The following PMPCB variants were observed in gnomAD, a reference collection of about 807,000 sequenced individuals.
PMPCB encodes peptidase, mitochondrial processing subunit beta.
A neutral mutation model predicts 61.5 loss-of-function variants in PMPCB; 46 were observed. The observed-to-expected ratio is 0.75, with a 90% CI of 0.59 to 0.96. The LOEUF (loss-of-function observed/expected upper bound fraction) is 0.96. Ranked by LOEUF, PMPCB falls within the 40% of genes least tolerant of loss-of-function variation. The pLI is 0.00. For missense variants in PMPCB, 590 were observed against 602.4 expected, an observed-to-expected ratio of 0.98 and a Z score of 0.22; for synonymous variants, 191 against 201.6, an observed-to-expected ratio of 0.95 and a Z score of 0.44.
intron 1 of PMPCB, 137 bp downstream of exon 1, chr7:103,297,695 G>T (rs1323152893): frequency 1.3e-6 from 2 of 1,536,602 alleles, no homozygotes; most frequent in African/African-American, 2.7e-5. Flanking sequence ...GCGCCAGGCG[G>T]CCTGGGGCTG....
intron 3 of PMPCB, 53 bp downstream of exon 3, chr7:103,299,582 A>G (rs1817391866): frequency 9.7e-7 from 1 of 1,031,822 alleles, no homozygotes. Context: ...TAATAAGCAC[A>G]AAGTCTCATT....
chr7:103,346,160 G>A, the PMPCB span, among the ~76,000 whole-genome samples: 1 of 151,944 alleles, frequency 6.6e-6, no homozygotes, highest in Admixed American at 6.6e-5. Context: ...TGAGACAGAG[G>A]CTTGCTCTGT....
the PMPCB span, among the ~76,000 whole-genome samples, chr7:103,346,844 G>C: frequency 6.6e-6 from 1 of 152,128 alleles, no homozygotes; most frequent in Non-Finnish European, 1.5e-5. Context: ...GTGTGTGTGT[G>C]TGTGTGTGTG....
chr7:103,314,024 AAAAACAAAAC>A lies in PMPCB; in HGVS notation c.*1769_*1778del, dbSNP rs370020947. 340 of 985,420 alleles carry A rather than the reference AAAAACAAAAC, an allele frequency of 3.5e-4. 2 individuals are homozygous for A. In the African/African-American group the frequency reaches 4.5e-3, roughly 13 times the overall value. 61.0% of individuals were successfully genotyped at this position (985,420 alleles called of 1,614,324 possible). A position where few individuals can be genotyped will look rare whatever the true frequency, so the allele number is the denominator to read the frequency against. On this transcript the variant is annotated 3_prime_UTR_variant, in exon 13 of 13. Coordinates refer to ENST00000249269, the MANE Select transcript of PMPCB (RefSeq NM_004279.3). ...AAAGTTCCTTCCCAATTAAAGAAGGAAAAACAAAACAAAACAAAACAAAACCACCACCTAT... is the reference window on the plus strand; with the variant it reads ...AAAGTTCCTTCCCAATTAAAGAAGGAAAAACAAAACAAAACCACCACCTAT...
chr7:103,335,022 C>T, the PMPCB span, among the ~76,000 whole-genome samples: 14 of 151,922 alleles, frequency 9.2e-5, no homozygotes, highest in Non-Finnish European at 1.8e-4. Context: ...TTAGTAGAGA[C>T]GGGGTTTCGC....
Position 103,303,896 on chromosome 7 carries a change from T to C in PMPCB, c.512T>C (p.Ile171Thr). ...IQNSTLGEAEIERERGVILRE... is the reference protein window; with the variant it reads ...IQNSTLGEAETERERGVILRE... ...AACAGCACATTGGGAGAAGCAGAGA[T>C]TGAACGTGAGCGTGGAGTAATCCTT... The change falls in exon 5 of 13, where the codon ATT (isoleucine) becomes ACT (threonine). Residue 171 changes from isoleucine (I) to threonine (T), a missense_variant. By Grantham distance (89) the Ile-to-Thr change is moderately conservative. Transcript: ENST00000249269. 1 of 1,613,956 alleles carries C rather than the reference T, an allele frequency of 6.2e-7. No individual in the cohort carries two copies. The highest frequency in any genetic ancestry group is 8.5e-7 in the Non-Finnish European group (1 of 1,179,842).
chr7:103,337,925 A>C, the PMPCB span: 1 of 729,190 alleles, frequency 1.4e-6, no homozygotes, highest in African/African-American at 1.8e-5. Flanking sequence ...TCAGGAGTCC[A>C]GTAAGAGGTT....
At chr7:103,306,750 ATTTAT>A (rs555753351) in intron 6 of PMPCB, among the ~76,000 whole-genome samples, 32 of 151,838 alleles carry the variant, frequency 2.1e-4, no homozygotes, top group Non-Finnish European at 4.4e-4. Flanking sequence ...GCTTTCTTTT[ATTTAT>A]TTAATTTTAT....
chr7:103,318,206 C>G (rs1046738814), downstream of PMPCB, among the ~76,000 whole-genome samples: 1 of 151,884 alleles, frequency 6.6e-6, no homozygotes, highest in Admixed American at 6.6e-5. Context: ...CGCTCTGTTG[C>G]CCAGGTTGGA....
Position 103,313,067 on chromosome 7 carries a change from T to C in PMPCB, c.*796T>C. On this transcript the variant is annotated 3_prime_UTR_variant, in exon 13 of 13. Transcript: ENST00000249269. ...AAGCTTGTTCCAAAAGCTTCTGTTC[T>C]TCTGTTGTCCAAGGGGTGAAGTCTG... 1.9e-6 allele frequency: 3 copies of C among 1,613,996 alleles called. No individual in the cohort carries two copies. Among genetic ancestry groups the C allele is most frequent in the Non-Finnish European group, 2.5e-6 (3 of 1,179,908 alleles).
intron 4 of PMPCB, among the ~76,000 whole-genome samples, chr7:103,303,007 G>T (rs1176921044): frequency 6.6e-6 from 1 of 151,840 alleles, no homozygotes; most frequent in Non-Finnish European, 1.5e-5. Context: ...TTTTGGAGAG[G>T]TATGCGCTTT....
Position 103,314,532 on chromosome 7 carries a change from A to C in PMPCB, c.*2261A>C. On this transcript the variant is annotated 3_prime_UTR_variant, in exon 13 of 13. Coordinates refer to ENST00000249269, the MANE Select transcript of PMPCB (RefSeq NM_004279.3). ...CAACATGGAAACAAGTCCCCCTAAG[A>C]AAGAGCTGAGACTAGTGTGCTAATA... 1 of 985,206 alleles carries C rather than the reference A, an allele frequency of 1.0e-6. No individual in the cohort carries two copies. The highest frequency in any genetic ancestry group is 5.2e-4 in the Middle Eastern group (1 of 1,914). 61.0% of individuals were successfully genotyped at this position (985,206 alleles called of 1,614,324 possible).
downstream of PMPCB, chr7:103,317,078 C>T (rs1818111237): frequency 3.5e-6 from 5 of 1,410,158 alleles, no homozygotes; most frequent in East Asian, 9.1e-5. Flanking sequence ...CACTCTCTTC[C>T]TGGCTAGGGC....
chr7:103,316,901 T>G, downstream of PMPCB: 1 of 1,614,068 alleles, frequency 6.2e-7, no homozygotes, highest in Non-Finnish European at 8.5e-7. Context: ...CTGACCAATT[T>G]TTACTTCCAT....
At chr7:103,329,617 A>G (rs191047014), downstream of PMPCB, 2 of 152,304 alleles carry the variant, frequency 1.3e-5, no homozygotes, top group East Asian at 3.9e-4. Flanking sequence ...GAAAGTATCT[A>G]AACTTCTCAT....
the PMPCB span, among the ~76,000 whole-genome samples, chr7:103,346,744 C>T: frequency 6.6e-6 from 1 of 152,088 alleles, no homozygotes; most frequent in South Asian, 2.1e-4. Context: ...GACTTATTCA[C>T]TTAGCATAAT....
chr7:103,324,671 T>A (rs1818606730), intron 12 of PMPCB: 1 of 1,028,504 alleles, frequency 9.7e-7, no homozygotes, highest in African/African-American at 1.7e-5. Context: ...TCCTCTGATT[T>A]CCCTTCCCTA....
At chr7:103,322,865 T>A in intron 12 of PMPCB, 1 of 1,154,936 alleles carries the variant, frequency 8.7e-7, no homozygotes, top group Non-Finnish European at 1.2e-6. Flanking sequence ...CAATATTTTA[T>A]AAAATATTTA....
chr7:103,339,746 C>G, the PMPCB span, among the ~76,000 whole-genome samples: 2 of 152,104 alleles, frequency 1.3e-5, no homozygotes, highest in Non-Finnish European at 2.9e-5. Flanking sequence ...GGATTATAAG[C>G]ATGTGCCACC....
Sources: gnomAD v4.1 joint callset for allele counts (sites outside exome capture counted in the v4.1 genomes callset) on GRCh38, gnomAD v4.1.1 for gene constraint, MANE v1.5 for transcripts, NCBI Gene and HGNC (gene_info 2026-07-23, HGNC 2026-07-21) for gene names.